Variants in CST2 observed in about 807,000 individuals in gnomAD.
CST2 encodes cystatin SA.
In CST2, 26 loss-of-function variants were observed where a neutral mutation model predicts 13.4. The observed-to-expected ratio is 1.95, with a 90% CI of 1.43 to 2.70. The LOEUF (loss-of-function observed/expected upper bound fraction) is 2.70. Ranked by LOEUF, CST2 falls within the 30% of genes most tolerant of loss-of-function variation. The pLI, the probability that CST2 is intolerant of heterozygous loss-of-function variation, is 0.00. For synonymous variants in CST2, 105 were observed against 71.1 expected, an observed-to-expected ratio of 1.48 and a Z score of -2.40; for missense variants, 243 against 173.4, an observed-to-expected ratio of 1.40 and a Z score of -2.25.
chr20:23,826,024 G>A (rs1984823931), intron 1 of CST2, among the ~76,000 whole-genome samples: 1 of 152,178 alleles, frequency 6.6e-6, no homozygotes, highest in South Asian at 2.1e-4. Context: ...ACCCCAGCAG[G>A]GACTCAGCTG....
intron 2 of CST2, 108 bp downstream of exon 2, chr20:23,825,102 A>G (rs1457958311): frequency 2.7e-6 from 4 of 1,478,626 alleles, no homozygotes; most frequent in Non-Finnish European, 3.8e-6. Flanking sequence ...GACTCCCCAC[A>G]TACCCACCTG....
In CST2 at chr20:23,826,548, T is replaced by C. The variant is rs534779050; in HGVS notation, c.113A>G (p.Asp38Gly). Reference sequence around the variant, plus strand: ...ACGCTGTACCCGCTCATCATTGAGGTCTGCATCATAGATGCCACCCTCGAT... The same window carrying C: ...ACGCTGTACCCGCTCATCATTGAGGCCTGCATCATAGATGCCACCCTCGAT... ...RIIEGGIYDADLNDERVQRAL... is the reference protein window; with the variant it reads ...RIIEGGIYDAGLNDERVQRAL... The change falls in exon 1 of 3, where the codon GAC becomes GGC. Residue 38 changes from aspartate to glycine, a missense_variant. Coordinates refer to ENST00000304725, the MANE Select transcript of CST2 (RefSeq NM_001322.3). 37 of 1,614,144 alleles carry C rather than the reference T, an allele frequency of 2.3e-5. 1 individual carries two copies. The highest frequency in any genetic ancestry group is 2.3e-4 in the African/African-American group (17 of 75,052).
chr20:23,823,923 GAGACCTC>G lies in CST2; in HGVS notation c.*90_*96del. On this transcript the variant is annotated 3_prime_UTR_variant, in exon 3 of 3. Transcript: ENST00000304725. ...TCTTCTCCTGCTGCAGGTGCATGGG[GAGACCTC>G]CCACAGGGTGGGGGCCACCAGTCCA... The G allele has an allele frequency of 1.7e-6, 2 of 1,192,490 alleles. No homozygotes were observed. The highest frequency in any genetic ancestry group is 2.0e-5 in the Admixed American group (1 of 49,638). The allele number at this position is 1,192,490 out of a possible 1,614,324, so 73.9% of individuals were successfully genotyped here. A position where few individuals can be genotyped will look rare whatever the true frequency, so the allele number is the denominator to read the frequency against.
intron 1 of CST2, among the ~76,000 whole-genome samples, chr20:23,825,538 A>G (rs1460145007): frequency 6.6e-6 from 1 of 151,994 alleles, no homozygotes; most frequent in Non-Finnish European, 1.5e-5. Context: ...TGCTGGGTAA[A>G]AGGATTCATT....
intron 2 of CST2, 56 bp downstream of exon 2, chr20:23,825,154 A>T: frequency 6.2e-7 from 1 of 1,604,422 alleles, no homozygotes; most frequent in Non-Finnish European, 8.5e-7. Context: ...AGAGACTGAC[A>T]CATACGCACC....
Position 23,824,041 on chromosome 20 carries a change from A to T in CST2, c.405T>A (p.Asn135Lys), listed in dbSNP as rs757376491. Residue 135 changes from asparagine (N) to lysine (K), a missense_variant, in exon 3 of 3, where the codon AAT becomes AAA. Transcript: ENST00000304725. ...ATCCCTAGGCTTCTTGACACCTGGA[A>T]TTCACCAGGGACATTCTGTCCTCCC... The part of the protein sequence containing the change: ...VPWEDRMSLV[N>K]SRCQEA The T allele has an allele frequency of 6.2e-5, 100 of 1,613,968 alleles. 1 individual carries two copies. The highest frequency in any genetic ancestry group is 3.3e-4 in the Middle Eastern group (2 of 6,082).
rs766513111 is a variant in CST2, at chr20:23,825,206, G to A, written c.342+4C>T. On this transcript the variant is annotated splice_donor_region_variant and intron_variant, in intron 2 of 2. Coordinates refer to ENST00000304725, the MANE Select transcript of CST2 (RefSeq NM_001322.3). The stretch of plus-strand genomic sequence containing the variant: ...CTGGCCTGGGACCCGCATCAGGAAC[G>A]TACCTTCTGCAGTTCTGGCTGTTCA... 2.9e-5 allele frequency: 47 copies of A among 1,613,996 alleles called. No individual in the cohort carries two copies. The highest frequency in any genetic ancestry group is 2.7e-5 in the African/African-American group (2 of 74,910).
In CST2 at chr20:23,824,085, G is replaced by C. The variant is rs200469888; in HGVS notation, c.361C>G (p.Gln121Glu). 137 of 1,614,022 alleles carry C rather than the reference G, an allele frequency of 8.5e-5. No individual in the cohort carries two copies. Among genetic ancestry groups the C allele is most frequent in the South Asian group, 2.6e-4 (24 of 91,070 alleles). ...ELQKKQLCSF[Q>E]IYEVPWEDRM... ...TCCTCCCAGGGAACTTCGTAGATCT[G>C]GAAAGAGCACAACTGTTTCTGTGAA... Residue 121 changes from glutamine to glutamate, a missense_variant, in exon 3 of 3, where the codon CAG becomes GAG. Physicochemically the swap from Gln to Glu is conservative, Grantham distance 29 (BLOSUM62 2). Transcript: ENST00000304725.
In CST2 at chr20:23,824,568, C is replaced by T. The variant is rs149221259; in HGVS notation, c.343-465G>A. On this transcript the variant is annotated intron_variant, in intron 2 of 2. Coordinates refer to ENST00000304725, the MANE Select transcript of CST2 (RefSeq NM_001322.3). ...GTGTGGCTCTCCCCTGAGTGGAGACCTCACAAGAACCAGCAGGTCCCTGGA... is the reference window on the plus strand; with the variant it reads ...GTGTGGCTCTCCCCTGAGTGGAGACTTCACAAGAACCAGCAGGTCCCTGGA... 4.8e-3 allele frequency among the ~76,000 whole-genome samples: 727 copies of T among 152,272 alleles called. 9 individuals are homozygous for T. Among genetic ancestry groups the T allele is most frequent in the African/African-American group, 0.017 (698 of 41,544 alleles).
chr20:23,825,122 A>T lies in CST2; in HGVS notation c.342+88T>A, dbSNP rs958410828. The T allele has an allele frequency of 9.1e-5, 141 of 1,549,930 alleles. No individual in the cohort carries two copies. The African/African-American group carries it at 1.7e-3, about 19-fold the overall frequency. On this transcript the variant is annotated intron_variant, in intron 2 of 2. Coordinates refer to ENST00000304725, the MANE Select transcript of CST2 (RefSeq NM_001322.3). ...CCCACATACCCACCTGCACACACAC[A>T]CCCTCCAAACATGTGTAGGGCAGAG...
chr20:23,826,079 ATTAGCCCTAAAGG>A (rs961389369), intron 1 of CST2, among the ~76,000 whole-genome samples: 1 of 152,200 alleles, frequency 6.6e-6, no homozygotes, highest in African/African-American at 2.4e-5. Context: ...GGTGAAGGCC[ATTAGCCCTAAAGG>A]GCTGTACCCA....
At chr20:23,824,361 G>A (rs1984760225) in intron 2 of CST2, among the ~76,000 whole-genome samples, 1 of 152,156 alleles carries the variant, frequency 6.6e-6, no homozygotes. Flanking sequence ...GCCCTGTGAG[G>A]ATCAGCCTGT....
chr20:23,825,369 T>C, intron 1 of CST2, 46 bp from the exon 2 acceptor site: 1 of 1,599,812 alleles, frequency 6.3e-7, no homozygotes, highest in Non-Finnish European at 8.5e-7. Flanking sequence ...CCCCCATCAG[T>C]TCATGCACTC....
Position 23,826,477 on chromosome 20 carries a change from C to G in CST2, c.184G>C (p.Glu62Gln). ...ACCCGCAGCAGGCGTCTGTAGTACTCATCTTCAGTGGCCTTGTTATACTCG... is the reference window on the plus strand; with the variant it reads ...ACCCGCAGCAGGCGTCTGTAGTACTGATCTTCAGTGGCCTTGTTATACTCG... ...ISEYNKATED[E>Q]YYRRLLRVLR... Residue 62 changes from glutamate to glutamine, a missense_variant, in exon 1 of 3, where the codon GAG becomes CAG. Transcript: ENST00000304725. The G allele has an allele frequency of 6.2e-7, 1 of 1,614,190 alleles. No individual in the cohort carries two copies. The highest frequency in any genetic ancestry group is 8.5e-7 in the Non-Finnish European group (1 of 1,180,024).
intron 1 of CST2, among the ~76,000 whole-genome samples, chr20:23,825,983 C>A (rs1984821882): frequency 6.6e-6 from 1 of 152,188 alleles, no homozygotes; most frequent in Non-Finnish European, 1.5e-5. Context: ...AACTCTGCAT[C>A]AACTCATAGA....
rs745397117 is a variant in CST2, at chr20:23,825,243, G to A, written c.309C>T (p.Thr103=). Residue 103 remains threonine, a synonymous_variant, in exon 2 of 3, where the codon ACC becomes ACT. Transcript: ENST00000304725. ...GTTCTGGCTGTTCATGGAAGGCACAGGTGTCCAAGTTGGGCTGGGACTTGG... is the reference window on the plus strand; with the variant it reads ...GTTCTGGCTGTTCATGGAAGGCACAAGTGTCCAAGTTGGGCTGGGACTTGG... ...ICTKSQPNLD[T]CAFHEQPELQ... is the part of the protein sequence containing the mutation. 4 of 1,614,020 alleles carry A rather than the reference G, an allele frequency of 2.5e-6. No homozygotes were observed. The highest frequency in any genetic ancestry group is 3.4e-6 in the Non-Finnish European group (4 of 1,180,030).
chr20:23,826,504 T>G lies in CST2; in HGVS notation c.157A>C (p.Ser53Arg), dbSNP rs150040998. The G allele has an allele frequency of 1.9e-4, 299 of 1,614,222 alleles. 2 individuals carry two copies. In the African/African-American group the frequency reaches 3.5e-3, roughly 19 times the overall value. Reference protein sequence around the residue: ...RVQRALHFVISEYNKATEDEY... With the variant: ...RVQRALHFVIREYNKATEDEY... Reference sequence around the variant, plus strand: ...TCTTCAGTGGCCTTGTTATACTCGCTGATGACAAAGTGAAGGGCACGCTGT... The same window carrying G: ...TCTTCAGTGGCCTTGTTATACTCGCGGATGACAAAGTGAAGGGCACGCTGT... Residue 53 changes from serine (S) to arginine (R), a missense_variant, in exon 1 of 3, where the codon AGC becomes CGC. By Grantham distance (110) the Ser-to-Arg change is moderately radical. Coordinates refer to ENST00000304725, the MANE Select transcript of CST2 (RefSeq NM_001322.3).
chr20:23,826,363 G>T (rs191009828), intron 1 of CST2, 70 bp downstream of exon 1: 2 of 1,232,994 alleles, frequency 1.6e-6, no homozygotes, highest in Admixed American at 3.5e-5. Context: ...GATGTGCTGC[G>T]AATGCTCTTA....
chr20:23,826,382 G>T lies in CST2; in HGVS notation c.228+51C>A, dbSNP rs781572188. 2.7e-5 allele frequency: 40 copies of T among 1,470,914 alleles called. 1 individual carries two copies. The South Asian group carries it at 3.2e-4, about 12-fold the overall frequency. The allele number at this position is 1,470,914 out of a possible 1,614,324, so 91.1% of individuals were successfully genotyped here. A position where few individuals can be genotyped will look rare whatever the true frequency, so the allele number is the denominator to read the frequency against. On this transcript the variant is annotated intron_variant, in intron 1 of 2. Transcript: ENST00000304725. ...TGCTGCGAATGCTCTTATGGATCGGGCAACAAACAAGGCTGGGACTCAGGA... is the reference window on the plus strand; with the variant it reads ...TGCTGCGAATGCTCTTATGGATCGGTCAACAAACAAGGCTGGGACTCAGGA...
Sources: allele counts gnomAD v4.1 joint callset (sites outside exome capture counted in the v4.1 genomes callset), GRCh38; gene constraint gnomAD v4.1.1; transcripts MANE v1.5; gene names NCBI Gene and HGNC (gene_info 2026-07-23, HGNC 2026-07-21).